The following TMIGD3 variants were observed in gnomAD, a reference collection of about 807,000 sequenced individuals.
TMIGD3 encodes transmembrane and immunoglobulin domain containing 3.
TMIGD3 carries 21 observed loss-of-function variants against 28.1 expected under a neutral mutation model. That is an observed-to-expected ratio of 0.75 (90% CI 0.53 to 1.08). TMIGD3 has a LOEUF of 1.08. Ranked by LOEUF, TMIGD3 falls within the 50% of genes least tolerant of loss-of-function variation. TMIGD3 has a pLI of 0.00. For synonymous variants in TMIGD3, 151 were observed against 162.1 expected, an observed-to-expected ratio of 0.93 and a Z score of 0.52; for missense variants, 416 against 435.6, an observed-to-expected ratio of 0.96 and a Z score of 0.40.
At chr1:111,542,866 T>A (rs971913424) in intron 1 of TMIGD3, among the ~76,000 whole-genome samples, 5 of 151,994 alleles carry the variant, frequency 3.3e-5, no homozygotes, top group Non-Finnish European at 7.4e-5. Flanking sequence ...CTGGCTAGTT[T>A]TTGCATTTTT....
At position 111,490,663 on chromosome 1, in the gene TMIGD3, G is replaced by C. The variant is rs2275797; in HGVS notation, c.450C>G (p.Leu150=). ...TTCCGTCCCCCATCCTACCTGAAAT[G>C]AGAGCCAAGGAGAGTAGAATGAAGA... is the stretch of plus-strand genomic sequence containing the variant. The part of the protein sequence containing the change: ...MWLFILLSLA[L]ISDAMVMDEK... Residue 150 remains leucine, a synonymous_variant, in exon 2 of 6, where the codon CTC becomes CTG. Transcript: ENST00000369716. 0.075 allele frequency: 120,259 copies of C among 1,611,300 alleles called. 6,316 individuals carry two copies. The highest frequency in any genetic ancestry group is 0.24 in the East Asian group (10,581 of 44,846).
At chr1:111,486,127 G>T (rs1441195252) in intron 4 of TMIGD3, among the ~76,000 whole-genome samples, 2 of 152,108 alleles carry the variant, frequency 1.3e-5, no homozygotes, top group African/African-American at 4.8e-5. Flanking sequence ...TTGAATGGGG[G>T]AGAAATAAAC....
intron 1 of TMIGD3, among the ~76,000 whole-genome samples, chr1:111,524,291 G>A (rs947353989): frequency 1.3e-5 from 2 of 151,846 alleles, no homozygotes; most frequent in Admixed American, 1.3e-4. Context: ...AGCCTCCTAA[G>A]GTGCTGGGAT....
intron 1 of TMIGD3, among the ~76,000 whole-genome samples, chr1:111,491,421 G>A (rs1218033336): frequency 1.3e-5 from 2 of 152,248 alleles, no homozygotes; most frequent in Non-Finnish European, 2.9e-5. Context: ...CATGTGCTCT[G>A]ACCACTGGCT....
chr1:111,543,769 C>T (rs1356285775), intron 1 of TMIGD3, among the ~76,000 whole-genome samples: 1 of 151,468 alleles, frequency 6.6e-6, no homozygotes, highest in Non-Finnish European at 1.5e-5. Flanking sequence ...GATTGGACAG[C>T]TTCAAACAAA....
At chr1:111,551,185 A>T (rs1467221533) in intron 1 of TMIGD3, among the ~76,000 whole-genome samples, 1 of 151,924 alleles carries the variant, frequency 6.6e-6, no homozygotes, top group Non-Finnish European at 1.5e-5. Context: ...TTTTTTTTGA[A>T]ATTCATTCTT....
chr1:111,486,508 T>G, intron 4 of TMIGD3, 78 bp downstream of exon 4: 1 of 1,092,038 alleles, frequency 9.2e-7, no homozygotes, highest in South Asian at 1.3e-5. Flanking sequence ...TCAACTGTCA[T>G]ATCATACTGC....
intron 1 of TMIGD3, among the ~76,000 whole-genome samples, chr1:111,496,818 C>T (rs534232230): frequency 6.6e-6 from 1 of 152,354 alleles, no homozygotes; most frequent in African/African-American, 2.4e-5. Context: ...AGCTGACCTC[C>T]TTGCTATAGC....
At chr1:111,509,892 A>C (rs1349434827) in intron 1 of TMIGD3, among the ~76,000 whole-genome samples, 1 of 152,256 alleles carries the variant, frequency 6.6e-6, no homozygotes, top group Admixed American at 6.5e-5. Flanking sequence ...GCTAGGAGAG[A>C]ATTGACTCAC....
intron 1 of TMIGD3, among the ~76,000 whole-genome samples, chr1:111,518,654 C>G (rs1449380716): frequency 6.6e-6 from 1 of 152,236 alleles, no homozygotes; most frequent in African/African-American, 2.4e-5. Flanking sequence ...CTGAACCAAG[C>G]TTTGCCTAAC....
intron 1 of TMIGD3, among the ~76,000 whole-genome samples, chr1:111,536,170 G>C (rs781669715): frequency 6.6e-6 from 1 of 151,706 alleles, no homozygotes; most frequent in Admixed American, 6.6e-5. Context: ...TCATACATTC[G>C]TTTTCTCTGC....
intron 1 of TMIGD3, among the ~76,000 whole-genome samples, chr1:111,545,108 T>C (rs942626124): frequency 4.0e-5 from 6 of 148,516 alleles, no homozygotes; most frequent in African/African-American, 1.5e-4. Context: ...GTATATCCAA[T>C]TTGGTATATA....
In TMIGD3 at chr1:111,558,558, A is replaced by C. The variant is rs545716619; in HGVS notation, c.107+5288T>G. Among the ~76,000 whole-genome samples the C allele has an allele frequency of 3.7e-4, 56 of 152,316 alleles. No individual in the cohort carries two copies. In the South Asian group the frequency reaches 0.011, roughly 30 times the overall value. ...TATAAGGTGAACACTCAGAACAAAG[A>C]GACAAAGAAAGGTTGAAACTTAAAG... On this transcript the variant is annotated intron_variant, in intron 1 of 5. Coordinates refer to the TMIGD3 transcript ENST00000369717.
chr1:111,523,911 G>A (rs549912297), intron 1 of TMIGD3, among the ~76,000 whole-genome samples: 16 of 150,528 alleles, frequency 1.1e-4, no homozygotes, highest in Non-Finnish European at 2.1e-4. Flanking sequence ...TTGTTTCAAC[G>A]ATTTTCTCTA....
chr1:111,517,156 T>C (rs1312766405), intron 1 of TMIGD3, among the ~76,000 whole-genome samples: 3 of 152,130 alleles, frequency 2.0e-5, no homozygotes, highest in Admixed American at 2.0e-4. Context: ...ATGGAAACAT[T>C]TAGGGCAAAG....
intron 1 of TMIGD3, among the ~76,000 whole-genome samples, chr1:111,513,644 A>C (rs1655764666): frequency 6.6e-6 from 1 of 152,188 alleles, no homozygotes; most frequent in African/African-American, 2.4e-5. Flanking sequence ...CCCAGAGGAA[A>C]GTTCGACACG....
In TMIGD3 at chr1:111,503,081, T is replaced by A. The variant is rs1267487391; in HGVS notation, c.274A>T (p.Ile92Phe). ...SCLFMTCLLL[I>F]FTHASIMSLL... is the part of the protein sequence containing the mutation. ...GACATGATGGAGGCGTGGGTAAAGA[T>A]AAGCAGTAGGCAAGTCATAAAAAGG... The change falls in exon 1 of 6, where the codon ATC becomes TTC. Residue 92 changes from isoleucine (I) to phenylalanine (F), a missense_variant. By Grantham distance (21) the Ile-to-Phe change is conservative. Transcript: ENST00000369716. 2 of 1,614,154 alleles carry A rather than the reference T, an allele frequency of 1.2e-6. No homozygotes were observed. The highest frequency in any genetic ancestry group is 1.1e-5 in the South Asian group (1 of 91,080).
In TMIGD3 at chr1:111,524,313, G is replaced by A. The variant is rs903262459; in HGVS notation, c.108-33551C>T. Among the ~76,000 whole-genome samples the A allele has an allele frequency of 3.9e-5, 6 of 152,176 alleles. No individual in the cohort carries two copies. In the East Asian group the frequency reaches 9.7e-4, roughly 25 times the overall value. On this transcript the variant is annotated intron_variant, in intron 1 of 5. Coordinates refer to the TMIGD3 transcript ENST00000369717. ...TAAGGTGCTGGGATTACAGGCGTGA[G>A]CCATCGCGCCCGGCCTTCTTTTTCT...
At chr1:111,534,639 C>A (rs1434379250) in intron 1 of TMIGD3, among the ~76,000 whole-genome samples, 1 of 152,134 alleles carries the variant, frequency 6.6e-6, no homozygotes, top group Non-Finnish European at 1.5e-5. Context: ...GTGGGAAGAA[C>A]TGATCCCTCA....
Sources: gnomAD v4.1 joint callset for allele counts (sites outside exome capture counted in the v4.1 genomes callset) on GRCh38, gnomAD v4.1.1 for gene constraint, MANE v1.5 for transcripts, NCBI Gene and HGNC (gene_info 2026-07-23, HGNC 2026-07-21) for gene names.